Variants in CNTNAP5 observed in about 807,000 individuals in gnomAD.
CNTNAP5 encodes the protein contactin-associated protein-like 5.
A neutral mutation model predicts 150.2 loss-of-function variants in CNTNAP5; 72 were observed. That is an observed-to-expected ratio of 0.48 (90% CI 0.40 to 0.58). CNTNAP5 has a LOEUF of 0.58. CNTNAP5 is among the 20% of genes least tolerant of loss of function. The pLI is 0.00. For synonymous variants in CNTNAP5, 672 were observed against 619.8 expected, an observed-to-expected ratio of 1.08 and a Z score of -1.25; for missense variants, 1,636 against 1,626.2, an observed-to-expected ratio of 1.01 and a Z score of -0.10.
intron 3 of CNTNAP5, among the ~76,000 whole-genome samples, chr2:124,343,853 T>C (rs1326539737): frequency 1.3e-5 from 2 of 152,206 alleles, no homozygotes; most frequent in Non-Finnish European, 2.9e-5. Flanking sequence ...AGTTTAGCCC[T>C]GGCTTCTGGT....
chr2:124,889,120 T>C (rs991843141), intron 21 of CNTNAP5, among the ~76,000 whole-genome samples: 13 of 131,506 alleles, frequency 9.9e-5, no homozygotes, highest in African/African-American at 3.7e-4. Flanking sequence ...AGAAAGAATC[T>C]CGCTTTGTCA....
At chr2:124,172,610 C>T (rs1011091145) in intron 1 of CNTNAP5, among the ~76,000 whole-genome samples, 6 of 152,108 alleles carry the variant, frequency 3.9e-5, no homozygotes, top group African/African-American at 9.7e-5. Flanking sequence ...GACAGGATCT[C>T]GCCATGTTGC....
At chr2:124,777,526 G>A (rs1681351648) in intron 17 of CNTNAP5, among the ~76,000 whole-genome samples, 1 of 152,048 alleles carries the variant, frequency 6.6e-6, no homozygotes, top group African/African-American at 2.4e-5. Context: ...GGGGTTACAG[G>A]TTCATGCTGG....
At chr2:124,613,541 A>G (rs1162210748) in intron 12 of CNTNAP5, among the ~76,000 whole-genome samples, 1 of 152,226 alleles carries the variant, frequency 6.6e-6, no homozygotes, top group Non-Finnish European at 1.5e-5. Context: ...CTTTTCTTCT[A>G]AGAAGTCTAC....
At chr2:124,161,067 T>G (rs145324131) in intron 1 of CNTNAP5, among the ~76,000 whole-genome samples, 2,215 of 152,188 alleles carry the variant, frequency 0.015, 22 homozygotes, top group Non-Finnish European at 0.024. Context: ...GTATAGATAA[T>G]AAAGGAGGCT....
At chr2:124,362,034 C>T (rs570133237) in intron 3 of CNTNAP5, among the ~76,000 whole-genome samples, 18 of 152,318 alleles carry the variant, frequency 1.2e-4, no homozygotes, top group South Asian at 8.3e-4. Flanking sequence ...TAAGCCGGTC[C>T]GAAAAGCGCA....
At chr2:124,715,810 A>G (rs1261595412) in intron 13 of CNTNAP5, among the ~76,000 whole-genome samples, 2 of 152,178 alleles carry the variant, frequency 1.3e-5, no homozygotes, top group Admixed American at 6.6e-5. Context: ...ATATGGGGGA[A>G]CAGCTACTAG....
chr2:124,764,818 AT>A (rs1681033068), intron 16 of CNTNAP5, among the ~76,000 whole-genome samples: 1 of 152,180 alleles, frequency 6.6e-6, no homozygotes, highest in African/African-American at 2.4e-5. Context: ...TCCAATACTA[AT>A]AAAATACAAT....
At chr2:124,116,913 G>C (rs554150174) in intron 1 of CNTNAP5, among the ~76,000 whole-genome samples, 2 of 152,290 alleles carry the variant, frequency 1.3e-5, no homozygotes, top group South Asian at 4.1e-4. Flanking sequence ...CTGAAATAAA[G>C]CAAGCCAGGA....
intron 19 of CNTNAP5, among the ~76,000 whole-genome samples, chr2:124,827,010 T>A (rs1186956296): frequency 6.6e-6 from 1 of 152,104 alleles, no homozygotes; most frequent in Non-Finnish European, 1.5e-5. Flanking sequence ...AGCTTTAACC[T>A]CCCAAGCCCA....
At chr2:124,857,601 G>C (rs758321697) in intron 19 of CNTNAP5, among the ~76,000 whole-genome samples, 3 of 151,886 alleles carry the variant, frequency 2.0e-5, no homozygotes, top group Non-Finnish European at 4.4e-5. Flanking sequence ...CGAGGCGGGT[G>C]GATCAACTGA....
chr2:124,791,061 T>C (rs1267904754), intron 18 of CNTNAP5, among the ~76,000 whole-genome samples: 1 of 152,224 alleles, frequency 6.6e-6, no homozygotes, highest in Non-Finnish European at 1.5e-5. Context: ...AGACACCATT[T>C]GCAAACAAAC....
At position 124,920,968 on chromosome 2, in the gene CNTNAP5, G is replaced by A. The variant is rs1678859755; in HGVS notation, c.*6680G>A. Among the ~76,000 whole-genome samples the A allele has an allele frequency of 6.6e-6, 1 of 152,074 alleles. No individual in the cohort carries two copies. Among genetic ancestry groups the A allele is most frequent in the African/African-American group, 2.4e-5 (1 of 41,430 alleles). ...AAACAGGTCATCTTTTTGTGGAAATGCTGGAGTCTACCTTTTCCTTTTTAT... is the reference window on the plus strand; with the variant it reads ...AAACAGGTCATCTTTTTGTGGAAATACTGGAGTCTACCTTTTCCTTTTTAT... On this transcript the variant is annotated 3_prime_UTR_variant, in exon 24 of 24. Coordinates refer to ENST00000682447, the MANE Select transcript of CNTNAP5 (RefSeq NM_001367498.1).
At chr2:124,167,174 T>C (rs987709363) in intron 1 of CNTNAP5, among the ~76,000 whole-genome samples, 1 of 152,172 alleles carries the variant, frequency 6.6e-6, no homozygotes, top group African/African-American at 2.4e-5. Flanking sequence ...TAACTGTTGG[T>C]ATTTCTTCCC....
chr2:124,528,849 C>T (rs1027580871), intron 10 of CNTNAP5, among the ~76,000 whole-genome samples: 1 of 152,084 alleles, frequency 6.6e-6, no homozygotes, highest in African/African-American at 2.4e-5. Context: ...CACAACTAGG[C>T]AGGTGACTGC....
chr2:124,109,725 C>T (rs1683252865), intron 1 of CNTNAP5, among the ~76,000 whole-genome samples: 1 of 137,542 alleles, frequency 7.3e-6, no homozygotes, highest in African/African-American at 2.5e-5. Context: ...ACCTTGGTAG[C>T]CCCTTGCCTG....
chr2:124,781,150 C>T (rs904153530), intron 17 of CNTNAP5, among the ~76,000 whole-genome samples: 2 of 152,168 alleles, frequency 1.3e-5, no homozygotes, highest in Non-Finnish European at 2.9e-5. Flanking sequence ...ATTCACTGAG[C>T]AAATATTTTC....
At chr2:124,591,487 A>C (rs547027797) in intron 11 of CNTNAP5, among the ~76,000 whole-genome samples, 2 of 152,300 alleles carry the variant, frequency 1.3e-5, no homozygotes, top group African/African-American at 4.8e-5. Flanking sequence ...ATTTCCATAC[A>C]TAGCAGTGGA....
At chr2:124,863,230 A>G (rs1302918847) in intron 19 of CNTNAP5, among the ~76,000 whole-genome samples, 1 of 152,148 alleles carries the variant, frequency 6.6e-6, no homozygotes, top group Admixed American at 6.5e-5. Flanking sequence ...TTATTTTATG[A>G]GGTTGAATTA....
Sources: gnomAD v4.1 joint callset for allele counts (sites outside exome capture counted in the v4.1 genomes callset) on GRCh38, gnomAD v4.1.1 for gene constraint, MANE v1.5 for transcripts, NCBI Gene and HGNC (gene_info 2026-07-23, HGNC 2026-07-21) for gene names.